Variants in ADAM32 observed in about 807,000 individuals in gnomAD.
ADAM32 encodes disintegrin and metalloproteinase domain-containing protein 32.
ADAM32 carries 89 observed loss-of-function variants against 114.9 expected under a neutral mutation model. The ratio of observed to expected loss-of-function variants is 0.77; its 90% CI spans 0.65 to 0.92. The LOEUF is 0.92. ADAM32 is among the 40% of genes least tolerant of loss of function. ADAM32 has a pLI of 0.00. For missense variants in ADAM32, 870 were observed against 932.8 expected, an observed-to-expected ratio of 0.93 and a Z score of 0.88; for synonymous variants, 285 against 307.5, an observed-to-expected ratio of 0.93 and a Z score of 0.77.
Position 39,160,880 on chromosome 8 carries a change from G to C in ADAM32, c.526-17G>C, listed in dbSNP as rs1276122504. On this transcript the variant is annotated splice_polypyrimidine_tract_variant and intron_variant, in intron 6 of 24. Coordinates refer to ENST00000379907, the MANE Select transcript of ADAM32 (RefSeq NM_145004.7). ...TGAAATTTTTCATGTATTATATGCT[G>C]TTTTCCTTTTTTCTAGTCAGAACCA... 6.4e-7 allele frequency: 1 copy of C among 1,566,350 alleles called. No homozygotes were observed. The highest frequency in any genetic ancestry group is 8.6e-7 in the Non-Finnish European group (1 of 1,156,184).
intron 6 of ADAM32, among the ~76,000 whole-genome samples, chr8:39,157,217 C>G (rs1473957645): frequency 6.6e-6 from 1 of 152,094 alleles, no homozygotes; most frequent in Admixed American, 6.5e-5. Context: ...TTTCAAGGTT[C>G]TCTTTTTATC....
intron 20 of ADAM32, 33 bp downstream of exon 20, chr8:39,270,947 T>C: frequency 6.3e-7 from 1 of 1,578,152 alleles, no homozygotes; most frequent in Non-Finnish European, 8.6e-7. Context: ...TTAAGATACA[T>C]GTTGAAAATT....
intron 11 of ADAM32, among the ~76,000 whole-genome samples, chr8:39,205,707 C>T (rs1175150549): frequency 3.9e-5 from 6 of 152,202 alleles, no homozygotes; most frequent in Admixed American, 1.3e-4. Context: ...CCATCTTCTG[C>T]GTTGCTCAGG....
intron 16 of ADAM32, among the ~76,000 whole-genome samples, chr8:39,242,849 GTTCTTTGAA>G (rs1360902724): frequency 6.6e-6 from 1 of 152,108 alleles, no homozygotes; most frequent in Admixed American, 6.6e-5. Flanking sequence ...ACAAAAGCTG[GTTCTTTGAA>G]AAGATAAACA....
chr8:39,270,737 T>G, intron 19 of ADAM32, 139 bp from the exon 20 acceptor site: 1 of 701,820 alleles, frequency 1.4e-6, no homozygotes, highest in South Asian at 1.8e-5. Context: ...CTGTGTTCAT[T>G]GACCTTTGGA....
At chr8:39,132,602 C>T (rs938544135) in intron 2 of ADAM32, among the ~76,000 whole-genome samples, 1 of 152,180 alleles carries the variant, frequency 6.6e-6, no homozygotes, top group African/African-American at 2.4e-5. Flanking sequence ...TATGTTAACT[C>T]ACACATTTAC....
chr8:39,155,383 G>C (rs1256143231), intron 6 of ADAM32, among the ~76,000 whole-genome samples: 1 of 152,158 alleles, frequency 6.6e-6, no homozygotes, highest in African/African-American at 2.4e-5. Context: ...AGAGCAAAGT[G>C]GCAATAATGG....
intron 19 of ADAM32, among the ~76,000 whole-genome samples, chr8:39,268,209 G>A (rs1410245500): frequency 6.6e-6 from 1 of 152,202 alleles, no homozygotes; most frequent in Non-Finnish European, 1.5e-5. Context: ...TTGTATTCCA[G>A]CCACTAGTGT....
chr8:39,257,200 A>G lies in ADAM32; in HGVS notation c.2019A>G (p.Glu673=), dbSNP rs779569917. 3.8e-6 allele frequency: 6 copies of G among 1,585,434 alleles called. No individual in the cohort carries two copies. The highest frequency in any genetic ancestry group is 5.1e-6 in the Non-Finnish European group (6 of 1,165,758). Residue 673 remains glutamate (E), a synonymous_variant, in exon 19 of 25, where the codon GAA becomes GAG. Transcript: ENST00000379907. The part of the protein sequence containing the change: ...FPEEDMGSIM[E]RASGKTENTW... ...TTCTGTTTTTAGGTTCAATCATGGA[A>G]AGAGCATCTGGGAAGACTGAAAACA...
intron 11 of ADAM32, among the ~76,000 whole-genome samples, chr8:39,201,257 C>T (rs1252305505): frequency 6.6e-6 from 1 of 152,142 alleles, no homozygotes; most frequent in African/African-American, 2.4e-5. Flanking sequence ...TACCCATGAG[C>T]ATGGAATGTT....
chr8:39,133,149 G>T (rs1802565312), intron 2 of ADAM32, among the ~76,000 whole-genome samples: 1 of 152,026 alleles, frequency 6.6e-6, no homozygotes, highest in Non-Finnish European at 1.5e-5. Flanking sequence ...GAGGTGTTTG[G>T]GTCATGATGT....
intron 22 of ADAM32, among the ~76,000 whole-genome samples, chr8:39,277,699 T>G (rs1176121960): frequency 6.6e-6 from 1 of 152,160 alleles, no homozygotes; most frequent in African/African-American, 2.4e-5. Flanking sequence ...GCTCCACCAC[T>G]CGGGAGGGAG....
At chr8:39,283,411 TA>T (rs375766985) in intron 23 of ADAM32, among the ~76,000 whole-genome samples, 174 bp from the exon 24 acceptor site, 1,252 of 57,364 alleles carry the variant, frequency 0.022, 5 homozygotes, top group Middle Eastern at 0.04. Flanking sequence ...ACTCCATCTC[TA>T]AAAAAAAAAA....
intron 2 of ADAM32, among the ~76,000 whole-genome samples, chr8:39,126,964 A>C (rs1048752977): frequency 2.0e-5 from 3 of 152,342 alleles, no homozygotes; most frequent in East Asian, 3.9e-4. Flanking sequence ...TATGTGATGA[A>C]TCACACTTGT....
At chr8:39,126,981 G>C (rs1802157410) in intron 2 of ADAM32, among the ~76,000 whole-genome samples, 1 of 152,116 alleles carries the variant, frequency 6.6e-6, no homozygotes, top group South Asian at 2.1e-4. Flanking sequence ...TTGTTGATTT[G>C]CATATGTTGA....
In ADAM32 at chr8:39,246,095, C is replaced by A. The variant is rs957652162; in HGVS notation, c.1831C>A (p.Arg611Ser). 6.2e-7 allele frequency: 1 copy of A among 1,613,326 alleles called. No individual in the cohort carries two copies. The highest frequency in any genetic ancestry group is 1.1e-5 in the South Asian group (1 of 91,060). The change falls in exon 17 of 25, where the codon CGT becomes AGT. Residue 611 changes from arginine to serine, a missense_variant. Arg to Ser is a moderately radical substitution (Grantham distance 110, BLOSUM62 -1). Coordinates refer to ENST00000379907, the MANE Select transcript of ADAM32 (RefSeq NM_145004.7). ...TGTTTTTCTTTAGGTTTGTGTAAAT[C>A]GTGAATGTGTAGAATCAAGGATAAT... ...QCDIGRVCVN[R>S]ECVESRIIKA...
chr8:39,115,732 C>G (rs1840347902), intron 1 of ADAM32, among the ~76,000 whole-genome samples: 1 of 152,084 alleles, frequency 6.6e-6, no homozygotes, highest in Admixed American at 6.6e-5. Flanking sequence ...TGTGCAGAAG[C>G]TCTTTAGTTT....
At chr8:39,173,669 A>C (rs1205167245) in intron 10 of ADAM32, among the ~76,000 whole-genome samples, 2 of 152,090 alleles carry the variant, frequency 1.3e-5, no homozygotes, top group African/African-American at 4.8e-5. Context: ...CAGTTTAATT[A>C]GATCCCATTT....
intron 9 of ADAM32, chr8:39,166,994 T>C (rs1804884414): frequency 1.3e-5 from 2 of 152,342 alleles, no homozygotes; most frequent in South Asian, 4.1e-4. Context: ...GGTTGTCTGT[T>C]TACTGTGCTG....
Sources: gnomAD v4.1 joint callset for allele counts (sites outside exome capture counted in the v4.1 genomes callset) on GRCh38, gnomAD v4.1.1 for gene constraint, MANE v1.5 for transcripts, NCBI Gene and HGNC (gene_info 2026-07-23, HGNC 2026-07-21) for gene names.